ZNF177: variants seen among roughly 807,000 people sequenced by gnomAD.
The protein encoded by ZNF177 is zinc finger protein 177.
ZNF177 carries 17 observed loss-of-function variants against 19.4 expected under a neutral mutation model. The ratio of observed to expected loss-of-function variants is 0.87; its 90% CI spans 0.60 to 1.31. The LOEUF (loss-of-function observed/expected upper bound fraction) is 1.31, where lower values mean the gene tolerates loss of function less well. Ranked by LOEUF, ZNF177 falls within the 40% of genes most tolerant of loss-of-function variation. The probability of loss-of-function intolerance (pLI) is 0.00; values close to 1 mark genes in which losing one functional copy is unlikely to be tolerated. For missense variants in ZNF177, 633 were observed against 561.8 expected, an observed-to-expected ratio of 1.13 and a Z score of -1.28; for synonymous variants, 220 against 188.7, an observed-to-expected ratio of 1.17 and a Z score of -1.36.
chr19:9,380,124 C>T, exon 5 of ZNF177: 8 of 1,610,572 alleles, frequency 5.0e-6, no homozygotes, highest in Non-Finnish European at 6.8e-6. Context: ...GAAAAACATC[C>T]AATGGCATAA....
chr19:9,377,521 T>G (rs1166092826), intron 1 of ZNF177, among the ~76,000 whole-genome samples: 2 of 152,124 alleles, frequency 1.3e-5, no homozygotes, highest in African/African-American at 4.8e-5. Flanking sequence ...TGTCAGACAG[T>G]GATACTCAAG....
chr19:9,373,996 A>T (rs993494201), upstream of ZNF177, among the ~76,000 whole-genome samples: 1 of 152,142 alleles, frequency 6.6e-6, no homozygotes, highest in Admixed American at 6.5e-5. Flanking sequence ...CAAAATTAAT[A>T]TCAAAGAGCT....
chr19:9,374,904 G>T (rs775511290), upstream of ZNF177, among the ~76,000 whole-genome samples: 8 of 152,112 alleles, frequency 5.3e-5, no homozygotes, highest in Non-Finnish European at 7.4e-5. Flanking sequence ...GTGAGGATGG[G>T]CATCTTTGCC....
chr19:9,380,890 C>A lies in ZNF177; in HGVS notation c.559C>A (p.Gln187Lys), dbSNP rs148521962. The change falls in exon 6 of 6, where the codon CAA (glutamine) becomes AAA (lysine). Residue 187 changes from glutamine (Q) to lysine (K), a missense_variant. Transcript: ENST00000589262. ...TACTGATTGTAGAAAAGCTTTCAAT[C>A]AAGAGTCATCCCTCAGGAAACACTT... The A allele has an allele frequency of 9.3e-5, 143 of 1,536,108 alleles. 1 individual carries two copies. The African/African-American group carries it at 1.8e-3, about 20-fold the overall frequency.
upstream of ZNF177, among the ~76,000 whole-genome samples, chr19:9,372,003 C>G (rs2068052690): frequency 6.6e-6 from 1 of 152,096 alleles, no homozygotes; most frequent in African/African-American, 2.4e-5. Flanking sequence ...ATGCTTTTTA[C>G]CACCTGACAC....
chr19:9,375,899 G>A (rs1473788960), upstream of ZNF177, among the ~76,000 whole-genome samples: 2 of 151,932 alleles, frequency 1.3e-5, no homozygotes, highest in East Asian at 3.9e-4. Flanking sequence ...CTGACTTTGG[G>A]CTTAGCTGCT....
At chr19:9,379,044 A>T in exon 3 of ZNF177, 1 of 1,610,910 alleles carries the variant, frequency 6.2e-7, no homozygotes, top group East Asian at 2.2e-5. Flanking sequence ...AAAAATCTAT[A>T]CAAAGATGTG....
rs575759794 is a variant in ZNF177, at chr19:9,381,613, G to C, written c.1282G>C (p.Glu428Gln). The C allele has an allele frequency of 6.2e-6, 10 of 1,614,014 alleles. No homozygotes were observed. The East Asian group carries it at 8.9e-5, about 14-fold the overall frequency. The change falls in exon 6 of 6, where the codon GAA becomes CAA. Residue 428 changes from glutamate (E) to glutamine (Q), a missense_variant. Physicochemically the swap from Glu to Gln is conservative, Grantham distance 29 (BLOSUM62 2). Coordinates refer to ENST00000589262, the Ensembl canonical transcript of ZNF177. ...TGGTGAGAAAACCTATGAGTGTAAA[G>C]AATGTGGGAAGGCCTTTAGGAATTC... is the stretch of plus-strand genomic sequence containing the variant.
At chr19:9,380,819 T>C (rs1197920749) in exon 6 of ZNF177, 3 of 1,535,952 alleles carry the variant, frequency 2.0e-6, no homozygotes, top group South Asian at 1.2e-5. Flanking sequence ...CCCTCAACTC[T>C]TAGGAGTCAT....
At chr19:9,365,472 A>G (rs2067965370) in intron 2 of ZNF177, among the ~76,000 whole-genome samples, 1 of 151,858 alleles carries the variant, frequency 6.6e-6, no homozygotes, top group Non-Finnish European at 1.5e-5. Context: ...AGAAGGGTTC[A>G]GGGGTTCTTG....
chr19:9,378,503 G>A, intron 2 of ZNF177, 159 bp downstream of exon 4: 1 of 1,171,628 alleles, frequency 8.5e-7, no homozygotes, highest in Non-Finnish European at 1.2e-6. Context: ...CCTGGGAAAG[G>A]CTTCTGTTCC....
chr19:9,374,450 T>C (rs1211435087), upstream of ZNF177, among the ~76,000 whole-genome samples: 1 of 152,176 alleles, frequency 6.6e-6, no homozygotes, highest in African/African-American at 2.4e-5. Context: ...AGGAATTGCA[T>C]TAATTTGTAG....
At position 9,378,337 on chromosome 19, in the gene ZNF177, GGT is replaced by G; in HGVS notation, c.27_28del (p.Trp9CysfsTer39). On this transcript the variant is annotated frameshift_variant, in exon 2 of 6. Transcript: ENST00000589262. LOFTEE classifies it high-confidence loss of function. ...ATGGCTGCAGGGTGGCTGACAACCT[GGT>G]CACAGGTACACAAGAAATTTCTCTA... 6.2e-7 allele frequency: 1 copy of G among 1,613,590 alleles called. No individual in the cohort carries two copies. The highest frequency in any genetic ancestry group is 1.3e-5 in the African/African-American group (1 of 74,982).
chr19:9,373,869 T>A (rs2068078259), upstream of ZNF177, among the ~76,000 whole-genome samples: 1 of 152,310 alleles, frequency 6.6e-6, no homozygotes, highest in African/African-American at 2.4e-5. Context: ...GGTTGCTTTT[T>A]CATTTTGTTC....
downstream of ZNF177, chr19:9,382,476 T>C (rs545565708): frequency 2.5e-6 from 1 of 398,604 alleles, no homozygotes; most frequent in Admixed American, 4.4e-5. Flanking sequence ...AATCCTGTGC[T>C]GCTTATCTCT....
upstream of ZNF177, among the ~76,000 whole-genome samples, chr19:9,376,138 A>G (rs1032880144): frequency 2.6e-5 from 4 of 151,894 alleles, no homozygotes; most frequent in Non-Finnish European, 5.9e-5. Context: ...AACTTAATCC[A>G]TTTACTTTTT....
At chr19:9,381,064 G>A (rs746364727) in exon 6 of ZNF177, 1 of 1,608,136 alleles carries the variant, frequency 6.2e-7, no homozygotes, top group South Asian at 1.1e-5. Flanking sequence ...TCCCCTTAGT[G>A]TCCACACAAA....
At chr19:9,379,441 A>AGT in intron 3 of ZNF177, 86 bp from the exon 6 acceptor site, 1 of 1,480,902 alleles carries the variant, frequency 6.8e-7, no homozygotes, top group African/African-American at 1.4e-5. Flanking sequence ...ATAATCCTTT[A>AGT]GTTAAAGCCA....
At chr19:9,364,499 G>T (rs544027918) in intron 1 of ZNF177, among the ~76,000 whole-genome samples, 38 of 152,180 alleles carry the variant, frequency 2.5e-4, no homozygotes, top group Non-Finnish European at 4.6e-4. Flanking sequence ...AACTCTTTTT[G>T]TCGTGTCGGT....
Sources: gnomAD v4.1 joint callset for allele counts (sites outside exome capture counted in the v4.1 genomes callset) on GRCh38, gnomAD v4.1.1 for gene constraint, MANE v1.5 for transcripts, NCBI Gene and HGNC (gene_info 2026-07-23, HGNC 2026-07-21) for gene names.